Variants in DPP10 observed in about 807,000 individuals in gnomAD.
The protein encoded by DPP10 is inactive dipeptidyl peptidase 10.
Under a neutral mutation model 120.9 loss-of-function variants are expected in DPP10, and 33 were observed. The observed-to-expected ratio is 0.27, with a 90% confidence interval of 0.21 to 0.37. The LOEUF is 0.37. DPP10 is among the 10% of genes least tolerant of loss of function. The pLI, the probability that DPP10 is intolerant of heterozygous loss-of-function variation, is 1.00. For missense variants in DPP10, 816 were observed against 942.8 expected (o/e 0.87, Z 1.76); for synonymous variants, 337 against 326.1 (o/e 1.03, Z -0.36).
chr2:115,676,765 G>A (rs1328090441), intron 5 of DPP10, among the ~76,000 whole-genome samples: 1 of 152,114 alleles, frequency 6.6e-6, no homozygotes, highest in Non-Finnish European at 1.5e-5. Context: ...GAAAAACATA[G>A]AAAACCTGTT....
chr2:115,447,754 G>C (rs186520022), intron 3 of DPP10, among the ~76,000 whole-genome samples: 1 of 152,274 alleles, frequency 6.6e-6, no homozygotes, highest in Admixed American at 6.5e-5. Flanking sequence ...CAGCCATGCA[G>C]AACTCTGCGT....
At chr2:115,613,448 C>G (rs2084261596) in intron 5 of DPP10, among the ~76,000 whole-genome samples, 1 of 152,114 alleles carries the variant, frequency 6.6e-6, no homozygotes, top group Admixed American at 6.5e-5. Context: ...CAGTTCTTGG[C>G]CTTAATGCCC....
intron 19 of DPP10, among the ~76,000 whole-genome samples, chr2:115,803,662 A>G (rs1174477273): frequency 6.6e-6 from 1 of 152,078 alleles, no homozygotes; most frequent in Admixed American, 6.5e-5. Flanking sequence ...GCTTGTCTGT[A>G]AAGTGTTTTT....
At chr2:114,743,983 T>C (rs1678319315) in intron 1 of DPP10, among the ~76,000 whole-genome samples, 1 of 152,160 alleles carries the variant, frequency 6.6e-6, no homozygotes, top group Non-Finnish European at 1.5e-5. Context: ...AAAACCCCAA[T>C]TTCTAGGCCA....
intron 4 of DPP10, among the ~76,000 whole-genome samples, chr2:115,516,460 C>T (rs192137467): frequency 5.3e-4 from 77 of 145,282 alleles, no homozygotes; most frequent in Non-Finnish European, 9.0e-4. Context: ...AAACAGGAAA[C>T]AGCAAATCAA....
intron 1 of DPP10, among the ~76,000 whole-genome samples, chr2:114,681,668 T>C (rs1699035384): frequency 6.6e-6 from 1 of 151,944 alleles, no homozygotes; most frequent in Non-Finnish European, 1.5e-5. Context: ...AAGAAGAAAA[T>C]GCTTTGAAAG....
At chr2:115,115,268 T>G (rs2049442654) in intron 1 of DPP10, among the ~76,000 whole-genome samples, 1 of 152,030 alleles carries the variant, frequency 6.6e-6, no homozygotes, top group South Asian at 2.1e-4. Context: ...AATGGGTAAA[T>G]GACCCCAAGG....
At chr2:115,566,778 C>T (rs1251299931) in intron 5 of DPP10, among the ~76,000 whole-genome samples, 1 of 152,292 alleles carries the variant, frequency 6.6e-6, no homozygotes, top group Non-Finnish European at 1.5e-5. Flanking sequence ...CGTGTACATA[C>T]ATTTTCAAAA....
chr2:115,815,849 TA>T, intron 21 of DPP10, 120 bp downstream of exon 21: 1 of 1,038,054 alleles, frequency 9.6e-7, no homozygotes, highest in Non-Finnish European at 1.4e-6. Flanking sequence ...TGGGATTCCA[TA>T]CTTATTAACA....
At chr2:115,569,973 C>A (rs1401962459) in intron 5 of DPP10, among the ~76,000 whole-genome samples, 1 of 152,086 alleles carries the variant, frequency 6.6e-6, no homozygotes, top group East Asian at 1.9e-4. Context: ...ATTTTTATAT[C>A]ATCAAGTATT....
At chr2:115,286,526 A>ATATATATTAT (rs10675008) in intron 1 of DPP10, among the ~76,000 whole-genome samples, 1 of 60,946 alleles carries the variant, frequency 1.6e-5, no homozygotes, top group Non-Finnish European at 3.3e-5. Context: ...ATATATATAT[A>ATATATATTAT]ATATATATAT....
In DPP10 at chr2:114,587,141, C is replaced by CA. The variant is rs566663464; in HGVS notation, c.60+144313dup. 1.5e-3 allele frequency among the ~76,000 whole-genome samples: 224 copies of CA among 147,882 alleles called. 4 individuals are homozygous for CA. Among genetic ancestry groups the CA allele is most frequent in the South Asian group, 6.9e-3 (32 of 4,662 alleles). On this transcript the variant is annotated intron_variant, in intron 1 of 25. Transcript: ENST00000410059. ...AGAAACCCCATCTCTACTAAAAATA[C>CA]AAAAAAAAAATTAGCCGGGCATGGT... is the stretch of plus-strand genomic sequence containing the variant.
At chr2:115,836,111 G>A (rs1689470867) in intron 21 of DPP10, 46 bp from the exon 22 acceptor site, 23 of 941,656 alleles carry the variant, frequency 2.4e-5, no homozygotes, top group Non-Finnish European at 3.3e-5. Flanking sequence ...GTGTGTGTGT[G>A]TGTGTGAGAT....
intron 1 of DPP10, among the ~76,000 whole-genome samples, chr2:115,060,540 G>A (rs924168481): frequency 1.3e-5 from 2 of 152,216 alleles, no homozygotes; most frequent in African/African-American, 4.8e-5. Flanking sequence ...TGCAGTGAGC[G>A]GAGACTGTGC....
At chr2:114,596,603 A>G (rs1030980867) in intron 1 of DPP10, among the ~76,000 whole-genome samples, 1 of 152,110 alleles carries the variant, frequency 6.6e-6, no homozygotes, top group Admixed American at 6.6e-5. Context: ...TCATACAAAT[A>G]CTAGCCATTG....
intron 1 of DPP10, among the ~76,000 whole-genome samples, chr2:115,261,239 G>A (rs111929597): frequency 5.9e-5 from 9 of 152,104 alleles, no homozygotes; most frequent in South Asian, 2.1e-4. Context: ...CATTGCCACC[G>A]GTTGAAAGTG....
At chr2:114,634,303 T>C (rs1695151190) in intron 1 of DPP10, among the ~76,000 whole-genome samples, 1 of 151,944 alleles carries the variant, frequency 6.6e-6, no homozygotes, top group African/African-American at 2.4e-5. Context: ...AAAAGTATAT[T>C]CAGAGAGGTC....
At chr2:115,389,055 T>C (rs921609667) in intron 3 of DPP10, among the ~76,000 whole-genome samples, 7 of 152,180 alleles carry the variant, frequency 4.6e-5, no homozygotes, top group Non-Finnish European at 8.8e-5. Context: ...TACCAAATCA[T>C]ATGACTGATA....
intron 5 of DPP10, among the ~76,000 whole-genome samples, chr2:115,542,266 A>G (rs1404726338): frequency 6.6e-6 from 1 of 151,956 alleles, no homozygotes; most frequent in Non-Finnish European, 1.5e-5. Flanking sequence ...AATTTCTGGC[A>G]ACCCGTTTTC....
Sources: gnomAD v4.1 joint callset for allele counts (sites outside exome capture counted in the v4.1 genomes callset) on GRCh38, gnomAD v4.1.1 for gene constraint, MANE v1.5 for transcripts, NCBI Gene and HGNC (gene_info 2026-07-23, HGNC 2026-07-21) for gene names.